The following JAKMIP1 variants were observed in gnomAD, a reference collection of about 807,000 sequenced individuals.
The protein encoded by JAKMIP1 is janus kinase and microtubule-interacting protein 1.
JAKMIP1 carries 33 observed loss-of-function variants against 113.0 expected under a neutral mutation model. That is an observed-to-expected ratio of 0.29 (90% CI 0.22 to 0.39). The LOEUF (loss-of-function observed/expected upper bound fraction) is 0.39, where lower values mean the gene tolerates loss of function less well. JAKMIP1 is among the 10% of genes least tolerant of loss of function. The pLI, the probability that JAKMIP1 is intolerant of heterozygous loss-of-function variation, is 1.00. For synonymous variants in JAKMIP1, 480 were observed against 459.9 expected (o/e 1.04, Z -0.56); for missense variants, 813 against 1,080.5 (o/e 0.75, Z 3.47).
At chr4:6,036,688 T>A (rs993370754) in intron 18 of JAKMIP1, among the ~76,000 whole-genome samples, 1 of 152,212 alleles carries the variant, frequency 6.6e-6, no homozygotes, top group African/African-American at 2.4e-5. Flanking sequence ...GAAAGCTGAG[T>A]TGTCATCATT....
At chr4:6,146,652 C>A (rs1720893077) in intron 1 of JAKMIP1, among the ~76,000 whole-genome samples, 1 of 152,194 alleles carries the variant, frequency 6.6e-6, no homozygotes, top group Non-Finnish European at 1.5e-5. Context: ...ATGTACTTAA[C>A]ACTACTGGAC....
rs1715317077 is a variant in JAKMIP1, at chr4:6,048,874, G to A, written c.2011C>T (p.Leu671Phe). 2 of 1,613,750 alleles carry A rather than the reference G, an allele frequency of 1.2e-6. No homozygotes were observed. Among genetic ancestry groups the A allele is most frequent in the Non-Finnish European group, 1.7e-6 (2 of 1,179,764 alleles). The change falls in exon 16 of 21, where the codon CTT becomes TTT. Residue 671 changes from leucine (L) to phenylalanine (F), a missense_variant. By Grantham distance (22) the Leu-to-Phe change is conservative. Coordinates refer to ENST00000409021, the MANE Select transcript of JAKMIP1 (RefSeq NM_001099433.2). Reference sequence around the variant, plus strand: ...GCTTCTACCTTTTCACACAGGGCAAGCACAGTTCCAGCTTGGATTATTGCA... The same window carrying A: ...GCTTCTACCTTTTCACACAGGGCAAACACAGTTCCAGCTTGGATTATTGCA... Reference protein sequence around the residue: ...QVAIIQAGTVLALCEKWLKQI... With the variant: ...QVAIIQAGTVFALCEKWLKQI...
At chr4:6,082,247 G>T (rs1720676301) in intron 5 of JAKMIP1, among the ~76,000 whole-genome samples, 2 of 151,816 alleles carry the variant, frequency 1.3e-5, no homozygotes, top group Admixed American at 1.3e-4. Flanking sequence ...AAACACAAGG[G>T]ACTGACTCTA....
intron 1 of JAKMIP1, among the ~76,000 whole-genome samples, chr4:6,144,124 A>G (rs1246729745): frequency 6.6e-6 from 1 of 152,256 alleles, no homozygotes; most frequent in East Asian, 1.9e-4. Flanking sequence ...TATGTTAAAA[A>G]AAAAGTGCAA....
chr4:6,117,131 C>G (rs558936819), intron 1 of JAKMIP1, among the ~76,000 whole-genome samples: 3 of 152,332 alleles, frequency 2.0e-5, no homozygotes, highest in Middle Eastern at 3.4e-3. Context: ...AGTTCAAGCC[C>G]TGCTCTGAGC....
Position 6,197,660 on chromosome 4 carries a change from T to A in JAKMIP1, c.-148+2593A>T, listed in dbSNP as rs1300829994. Among the ~76,000 whole-genome samples the A allele has an allele frequency of 6.6e-6, 1 of 152,160 alleles. No individual in the cohort carries two copies. Among genetic ancestry groups the A allele is most frequent in the African/African-American group, 2.4e-5 (1 of 41,444 alleles). On this transcript the variant is annotated intron_variant, in intron 1 of 20. Coordinates refer to ENST00000409021, the MANE Select transcript of JAKMIP1 (RefSeq NM_001099433.2). The surrounding 1 kb of genome is among the most constrained non-coding windows in gnomAD (Gnocchi z 6.5). Reference sequence around the variant, plus strand: ...CCAGCAGAACTGGGACACACTGCAGTCATCCTCAGACTCCCCAAGGGAAGC... The same window carrying A: ...CCAGCAGAACTGGGACACACTGCAGACATCCTCAGACTCCCCAAGGGAAGC...
In JAKMIP1 at chr4:6,140,413, C is replaced by T. The variant is rs1435071029; in HGVS notation, c.-147-27416G>A. On this transcript the variant is annotated intron_variant, in intron 1 of 20. Coordinates refer to ENST00000409021, the MANE Select transcript of JAKMIP1 (RefSeq NM_001099433.2). This position sits in a 1 kb window ranked among gnomAD's most constrained non-coding sequence, Gnocchi z 9.4. Reference sequence around the variant, plus strand: ...GCACTGTCCCTGTTCCCCCAAAAGGCCCACCACAGACCCACCCCAGGAGTG... The same window carrying T: ...GCACTGTCCCTGTTCCCCCAAAAGGTCCACCACAGACCCACCCCAGGAGTG... Among the ~76,000 whole-genome samples, 2 of 152,094 alleles carry T rather than the reference C, an allele frequency of 1.3e-5. No individual in the cohort carries two copies. Among genetic ancestry groups the T allele is most frequent in the Admixed American group, 6.5e-5 (1 of 15,286 alleles).
At chr4:6,032,004 C>A (rs909563020) in intron 19 of JAKMIP1, among the ~76,000 whole-genome samples, 2 of 152,272 alleles carry the variant, frequency 1.3e-5, no homozygotes, top group Admixed American at 6.5e-5. Flanking sequence ...TTCCTGGCAA[C>A]CCCCTCACAT....
chr4:6,170,011 C>CTCACCACCACCACATTCCCA (rs1277724557), intron 1 of JAKMIP1, among the ~76,000 whole-genome samples: 2 of 100,274 alleles, frequency 2.0e-5, no homozygotes, highest in Admixed American at 1.9e-4. Flanking sequence ...CACCACCACC[C>CTCACCACCACCACATTCCCA]TCACCACCAC....
chr4:6,077,034 T>G (rs10003502), intron 8 of JAKMIP1, among the ~76,000 whole-genome samples: 2,028 of 152,278 alleles, frequency 0.013, 54 homozygotes, highest in African/African-American at 0.047. Flanking sequence ...CATATAAAAT[T>G]ACAGACATTT....
At chr4:6,169,002 G>T (rs1260072600) in intron 1 of JAKMIP1, among the ~76,000 whole-genome samples, 1 of 152,142 alleles carries the variant, frequency 6.6e-6, no homozygotes, top group Non-Finnish European at 1.5e-5. Flanking sequence ...ACTGTTAATA[G>T]GCATTGGATT....
At chr4:6,107,379 A>G (rs1714129856) in intron 2 of JAKMIP1, among the ~76,000 whole-genome samples, 2 of 152,188 alleles carry the variant, frequency 1.3e-5, no homozygotes, top group Admixed American at 6.5e-5. Context: ...CTCTGCCTCT[A>G]TGGTGGCTGA....
At position 6,061,530 on chromosome 4, in the gene JAKMIP1, A is replaced by G. The variant is rs779158804; in HGVS notation, c.1560+782T>C. 1.3e-3 allele frequency among the ~76,000 whole-genome samples: 202 copies of G among 152,344 alleles called. No individual in the cohort carries two copies. Among genetic ancestry groups the G allele is most frequent in the Middle Eastern group, 6.8e-3 (2 of 294 alleles). On this transcript the variant is annotated intron_variant, in intron 10 of 20. Coordinates refer to ENST00000409021, the MANE Select transcript of JAKMIP1 (RefSeq NM_001099433.2). The surrounding 1 kb of genome is among the most constrained non-coding windows in gnomAD (Gnocchi z 5.3). The stretch of plus-strand genomic sequence containing the variant: ...TGGAATTCCCAAACAGGGCTCTGAG[A>G]AAGAGCACAGGCCCTGAGTCCGAGA...
In JAKMIP1 at chr4:6,040,525, C is replaced by T; in HGVS notation, c.2175+114G>A. The T allele has an allele frequency of 2.7e-6, 2 of 741,346 alleles. No homozygotes were observed. The highest frequency in any genetic ancestry group is 4.5e-4 in the Middle Eastern group (2 of 4,406). 45.9% of individuals were successfully genotyped at this position (741,346 alleles called of 1,614,324 possible). On this transcript the variant is annotated intron_variant, in intron 18 of 20. Coordinates refer to ENST00000409021, the MANE Select transcript of JAKMIP1 (RefSeq NM_001099433.2). This position sits in a 1 kb window ranked among gnomAD's most constrained non-coding sequence, Gnocchi z 5.8. The stretch of plus-strand genomic sequence containing the variant: ...CACAAGGTGGAGATGGCATTTTTAT[C>T]ACTCCTGTTTGGCACTGGGGAGCGC...
At chr4:6,115,039 A>G (rs1715526653) in intron 1 of JAKMIP1, among the ~76,000 whole-genome samples, 2 of 152,272 alleles carry the variant, frequency 1.3e-5, no homozygotes, top group African/African-American at 4.8e-5. Flanking sequence ...GGATAGATTA[A>G]GTAAATGATG....
chr4:6,111,246 C>A (rs1233574066), intron 2 of JAKMIP1, among the ~76,000 whole-genome samples: 1 of 152,206 alleles, frequency 6.6e-6, no homozygotes, highest in East Asian at 1.9e-4. Context: ...CCCCAAGCAG[C>A]CTCCACCCGT....
At chr4:6,163,364 GTGATCTTTAATA>G (rs1723193914) in intron 1 of JAKMIP1, among the ~76,000 whole-genome samples, 2 of 152,150 alleles carry the variant, frequency 1.3e-5, no homozygotes, top group Non-Finnish European at 2.9e-5. Context: ...TCTGTGACCA[GTGATCTTTAATA>G]TTACTATTGT....
chr4:6,099,944 C>T (rs1436033635), intron 3 of JAKMIP1, among the ~76,000 whole-genome samples: 1 of 152,152 alleles, frequency 6.6e-6, no homozygotes, highest in African/African-American at 2.4e-5. Context: ...CATTTCTCAG[C>T]ACTGTTAGCT....
chr4:6,072,529 TC>T (rs1719112119), intron 8 of JAKMIP1, among the ~76,000 whole-genome samples: 1 of 152,038 alleles, frequency 6.6e-6, no homozygotes, highest in African/African-American at 2.4e-5. Context: ...CCCTCGCCCC[TC>T]CCAGCAAAGG....
Sources: gnomAD v4.1 joint callset for allele counts (sites outside exome capture counted in the v4.1 genomes callset) on GRCh38, gnomAD v4.1.1 for gene constraint, Gnocchi (gnomAD v3.1) non-coding constraint, MANE v1.5 for transcripts, NCBI Gene and HGNC (gene_info 2026-07-23, HGNC 2026-07-21) for gene names.